PSMC1: variants seen among roughly 807,000 people sequenced by gnomAD.
The protein encoded by PSMC1 is 26S proteasome regulatory subunit 4.
In PSMC1, 5 loss-of-function variants were observed where a neutral mutation model predicts 49.8. The observed-to-expected ratio is 0.10, with a 90% confidence interval of 0.05 to 0.21. PSMC1 has a LOEUF of 0.21. Ranked by LOEUF, PSMC1 falls within the 10% of genes least tolerant of loss-of-function variation. The pLI is 1.00. For missense variants in PSMC1, 181 were observed against 535.7 expected (o/e 0.34, Z 6.54); for synonymous variants, 155 against 192.1 (o/e 0.81, Z 1.60).
chr14:90,271,069 TAAG>T (rs1891650048), intron 10 of PSMC1: 1 of 152,264 alleles, frequency 6.6e-6, no homozygotes, highest in Non-Finnish European at 1.5e-5. Flanking sequence ...AATTTTAAGA[TAAG>T]AACTTACTTT....
intron 9 of PSMC1, 21 bp from the exon 10 acceptor site, chr14:90,270,177 C>G (rs1378550403): frequency 6.2e-7 from 1 of 1,611,838 alleles, no homozygotes; most frequent in Non-Finnish European, 8.5e-7. Flanking sequence ...GGTGTGACTT[C>G]AAATCTCTTT....
intron 3 of PSMC1, among the ~76,000 whole-genome samples, chr14:90,262,661 G>T (rs189048451): frequency 7.9e-4 from 120 of 152,160 alleles, no homozygotes; most frequent in Admixed American, 1.8e-3. Context: ...GCACACACCT[G>T]TAATTCCAAC....
At chr14:90,265,237 T>C (rs571439698) in intron 7 of PSMC1, 71 bp downstream of exon 7, 1 of 1,063,352 alleles carries the variant, frequency 9.4e-7, no homozygotes, top group South Asian at 1.3e-5. Context: ...CTAGTTATAA[T>C]TACTGAACTA....
At chr14:90,267,029 A>G (rs1273242249) in intron 7 of PSMC1, among the ~76,000 whole-genome samples, 1 of 151,516 alleles carries the variant, frequency 6.6e-6, no homozygotes, top group Non-Finnish European at 1.5e-5. Context: ...TGAGGCACCT[A>G]CCCAGCCCTT....
intron 8 of PSMC1, 162 bp downstream of exon 8, chr14:90,268,575 A>T (rs1891578419): frequency 1.5e-6 from 1 of 662,176 alleles, no homozygotes; most frequent in Non-Finnish European, 2.6e-6. Context: ...GAGCCAGCTA[A>T]CAACTGCCCA....
At chr14:90,262,661 G>A (rs189048451) in intron 3 of PSMC1, among the ~76,000 whole-genome samples, 1 of 152,042 alleles carries the variant, frequency 6.6e-6, no homozygotes, top group Non-Finnish European at 1.5e-5. Context: ...GCACACACCT[G>A]TAATTCCAAC....
chr14:90,270,238 A>G lies in PSMC1; in HGVS notation c.1074A>G (p.Glu358=). ...AGATTGAGTTCCCCCTGCCTGATGA[A>G]AAGACGAAGAAGCGCATCTTTCAGA... ...DRKIEFPLPD[E]KTKKRIFQIH... is the part of the protein sequence containing the mutation. The change falls in exon 10 of 11, where the codon GAA becomes GAG. Residue 358 remains glutamate, a synonymous_variant. Coordinates refer to ENST00000261303, the MANE Select transcript of PSMC1 (RefSeq NM_002802.3). 1 of 1,613,638 alleles carries G rather than the reference A, an allele frequency of 6.2e-7. No individual in the cohort carries two copies.
rs1242409999 is a variant in PSMC1, at chr14:90,265,097, C to T, written c.622C>T (p.Pro208Ser). The T allele has an allele frequency of 6.2e-7, 1 of 1,612,592 alleles. No homozygotes were observed. The highest frequency in any genetic ancestry group is 8.5e-7 in the Non-Finnish European group (1 of 1,179,142). ...KESVELPLTH[P>S]EYYEEMGIKP... ...ATCTGTGGAGCTTCCTCTCACCCAT[C>T]CTGAATATTATGAAGAGATGGGTAT... is the stretch of plus-strand genomic sequence containing the variant. Residue 208 changes from proline to serine, a missense_variant, in exon 7 of 11, where the codon CCT (proline) becomes TCT (serine). Transcript: ENST00000261303.
intron 3 of PSMC1, among the ~76,000 whole-genome samples, chr14:90,262,795 A>C (rs1595041518): frequency 6.6e-6 from 1 of 152,214 alleles, no homozygotes; most frequent in Non-Finnish European, 1.5e-5. Flanking sequence ...TCAAAAAAAA[A>C]AAAAGACACA....
intron 3 of PSMC1, among the ~76,000 whole-genome samples, chr14:90,262,741 G>A (rs1442169303): frequency 1.3e-5 from 2 of 151,354 alleles, no homozygotes; most frequent in Non-Finnish European, 2.9e-5. Flanking sequence ...CTGAGATCGC[G>A]CCGCTGCACT....
chr14:90,265,390 T>C (rs1017065278), intron 7 of PSMC1, among the ~76,000 whole-genome samples: 3 of 149,050 alleles, frequency 2.0e-5, no homozygotes, highest in African/African-American at 7.4e-5. Context: ...CCTGTCTCTA[T>C]AAAAAATTAG....
At chr14:90,267,544 G>C (rs1436594579) in intron 7 of PSMC1, 1 of 152,216 alleles carries the variant, frequency 6.6e-6, no homozygotes, top group Non-Finnish European at 1.5e-5. Context: ...GAGATCAGTG[G>C]GAGGAACTGC....
At chr14:90,270,486 A>G in intron 10 of PSMC1, 134 bp downstream of exon 10, 1 of 989,374 alleles carries the variant, frequency 1.0e-6, no homozygotes, top group South Asian at 2.0e-5. Context: ...TTGGTTTACG[A>G]TTACATCCAA....
chr14:90,265,385 C>A (rs1476614568), intron 7 of PSMC1, among the ~76,000 whole-genome samples: 1 of 150,926 alleles, frequency 6.6e-6, no homozygotes, highest in African/African-American at 2.4e-5. Flanking sequence ...GAAACCCTGT[C>A]TCTATAAAAA....
chr14:90,270,587 C>T (rs920289340), intron 10 of PSMC1: 32 of 431,180 alleles, frequency 7.4e-5, no homozygotes, highest in Non-Finnish European at 1.0e-4. Context: ...AAGGCTGAGT[C>T]GCTGGTACTA....
Position 90,256,563 on chromosome 14 carries a change from C to G in PSMC1, c.-35C>G. The stretch of plus-strand genomic sequence containing the variant: ...CTGGCGGGCCGCAGTGGTGGAGGAA[C>G]TTCCGGCAGCGGCAGCTCAAGTGGC... On this transcript the variant is annotated 5_prime_UTR_variant, in exon 1 of 11. Transcript: ENST00000261303. The G allele has an allele frequency of 1.3e-6, 2 of 1,580,672 alleles. No homozygotes were observed. Among genetic ancestry groups the G allele is most frequent in the Non-Finnish European group, 8.6e-7 (1 of 1,163,086 alleles).
At chr14:90,271,886 G>A (rs1391883450) in intron 10 of PSMC1, 2 of 141,928 alleles carry the variant, frequency 1.4e-5, no homozygotes, top group African/African-American at 5.0e-5. Context: ...CTTTATTTCA[G>A]AACAGATTTT....
At chr14:90,267,024 C>A (rs1196736896) in intron 7 of PSMC1, among the ~76,000 whole-genome samples, 1 of 152,178 alleles carries the variant, frequency 6.6e-6, no homozygotes, top group African/African-American at 2.4e-5. Context: ...TATCCTGAGG[C>A]ACCTACCCAG....
In PSMC1 at chr14:90,268,643, C is replaced by T. The variant is rs900533000; in HGVS notation, c.881+230C>T. On this transcript the variant is annotated intron_variant, in intron 8 of 10. Transcript: ENST00000261303. ...TATGAATAACCATGTCTTGAGCACC[C>T]GCCCTGATCCAGGACCATCTGGACT... is the stretch of plus-strand genomic sequence containing the variant. 52 of 464,906 alleles carry T rather than the reference C, an allele frequency of 1.1e-4. No individual in the cohort carries two copies. The Middle Eastern group carries it at 2.2e-3, about 20-fold the overall frequency. 28.8% of individuals were successfully genotyped at this position (464,906 alleles called of 1,614,324 possible).
Sources: gnomAD v4.1 joint callset for allele counts (sites outside exome capture counted in the v4.1 genomes callset) on GRCh38, gnomAD v4.1.1 for gene constraint, MANE v1.5 for transcripts, NCBI Gene and HGNC (gene_info 2026-07-23, HGNC 2026-07-21) for gene names.